DMD: variants seen among roughly 807,000 people sequenced by gnomAD.
DMD encodes mutant dystrophin.
Under a neutral mutation model 330.1 loss-of-function variants are expected in DMD, and 63 were observed. That is an observed-to-expected ratio of 0.19 (90% confidence interval 0.16 to 0.24). The LOEUF is 0.24. DMD is among the 10% of genes least tolerant of loss of function. The pLI, the probability that DMD is intolerant of heterozygous loss-of-function variation, is 1.00. For missense variants in DMD, 3,344 were observed against 2,684.1 expected, an observed-to-expected ratio of 1.25 and a Z score of -5.43; for synonymous variants, 1,223 against 959.8, an observed-to-expected ratio of 1.27 and a Z score of -5.07.
At chrX:31,575,969 T>C (rs1160116111) in intron 55 of DMD, among the ~76,000 whole-genome samples, 1 of 112,078 alleles carries the variant, frequency 8.9e-6, no homozygotes, top group East Asian at 2.8e-4. Context: ...TAGCCACTAG[T>C]TACAGAGAAA....
intron 62 of DMD, among the ~76,000 whole-genome samples, chrX:31,284,575 C>CTT (rs1233953741): frequency 1.1e-5 from 1 of 91,858 alleles, no homozygotes; most frequent in African/African-American, 4.3e-5. Flanking sequence ...TCTTCTTCTT[C>CTT]TTCTTCTTCT....
chrX:32,380,774 TAA>T, intron 33 of DMD, 94 bp from the exon 34 acceptor site: 1 of 677,412 alleles, frequency 1.5e-6, no homozygotes, highest in Non-Finnish European at 2.2e-6. Flanking sequence ...TTCTGTTATT[TAA>T]AATAACTATT....
At chrX:32,356,862 CTT>C (rs2097802982) in intron 37 of DMD, among the ~76,000 whole-genome samples, 1 of 111,489 alleles carries the variant, frequency 9.0e-6, no homozygotes, top group South Asian at 3.7e-4. Context: ...AAAAATATAA[CTT>C]GATGCATATT....
intron 2 of DMD, among the ~76,000 whole-genome samples, chrX:32,912,096 G>C (rs1174716461): frequency 1.8e-5 from 2 of 108,223 alleles, no homozygotes; most frequent in African/African-American, 6.7e-5. Flanking sequence ...AGAAGGAATG[G>C]GGAGGAGGAG....
At chrX:33,120,091 T>C (rs981866075) in intron 1 of DMD, among the ~76,000 whole-genome samples, 2 of 112,156 alleles carry the variant, frequency 1.8e-5, no homozygotes, top group Non-Finnish European at 3.8e-5. Flanking sequence ...CCTGTTTTGT[T>C]TAAGCATGTG....
At position 33,211,536 on chromosome X, in the gene DMD, A is replaced by G. The variant is rs2051917985; in HGVS notation, c.-224T>C. On this transcript the variant is annotated 5_prime_UTR_variant, in exon 1 of 79. Transcript: ENST00000357033. The stretch of plus-strand genomic sequence containing the variant: ...AGTGATCCCAACACTGAGTGAGTCA[A>G]CACAGTAACTGATGCCAGGATTCTG... 9.5e-7 allele frequency: 1 copy of G among 1,053,034 alleles called. No individual in the cohort carries two copies. The allele number at this position is 1,053,034 out of a possible 1,213,427, so 86.8% of individuals were successfully genotyped here. A position where few individuals can be genotyped will look rare whatever the true frequency, so the allele number is the denominator to read the frequency against.
intron 67 of DMD, among the ~76,000 whole-genome samples, chrX:31,201,529 G>C (rs1381386709): frequency 1.8e-5 from 2 of 112,538 alleles, no homozygotes; most frequent in African/African-American, 6.5e-5. Flanking sequence ...AACCAAACCA[G>C]AGACATGGGC....
chrX:33,081,188 C>A (rs972590250), intron 1 of DMD, among the ~76,000 whole-genome samples: 1 of 111,849 alleles, frequency 8.9e-6, no homozygotes, highest in Non-Finnish European at 1.9e-5. Flanking sequence ...TTAAGGGCAC[C>A]ATTTTATACT....
chrX:32,325,318 C>G (rs1259515301), intron 41 of DMD, among the ~76,000 whole-genome samples: 1 of 111,202 alleles, frequency 9.0e-6, no homozygotes, highest in Non-Finnish European at 1.9e-5. Flanking sequence ...TACTGCAATA[C>G]ATTTAAAATA....
chrX:32,673,317 C>A (rs2061749842), intron 9 of DMD, among the ~76,000 whole-genome samples: 1 of 111,040 alleles, frequency 9.0e-6, no homozygotes, highest in Non-Finnish European at 1.9e-5. Flanking sequence ...AAGTCATGTG[C>A]CTTACGAGTA....
rs181426116 is a variant in DMD at position 31,203,206 on chromosome X, C to T, written c.9807+755G>A. On this transcript the variant is annotated intron_variant, in intron 67 of 78. Transcript: ENST00000357033. ...CTGAGGTAGCAGAATCACTTGAACC[C>T]GGGAGGTGGAGGTTGCAGTGAGCAG... 6.6e-3 allele frequency among the ~76,000 whole-genome samples: 655 copies of T among 99,245 alleles called. 6 individuals carry two copies. The highest frequency in any genetic ancestry group is 0.023 in the African/African-American group (609 of 26,491). 86.2% of individuals were successfully genotyped at this position (99,245 alleles called of 115,157 possible). A position where few individuals can be genotyped will look rare whatever the true frequency, so the allele number is the denominator to read the frequency against.
chrX:33,206,179 T>C (rs2051561585), intron 1 of DMD, among the ~76,000 whole-genome samples: 1 of 112,299 alleles, frequency 8.9e-6, no homozygotes, highest in Non-Finnish European at 1.9e-5. Flanking sequence ...CAAATGGCAA[T>C]TAGACCTACA....
At position 32,500,039 on chromosome X, in the gene DMD, T is replaced by A. The variant is rs1397686667; in HGVS notation, c.2380+1716A>T. Reference sequence around the variant, plus strand: ...TGGCCCAAACTTGAGCCTAATGACGTATCAGTTCGACCATATCTTTACTGG... The same window carrying A: ...TGGCCCAAACTTGAGCCTAATGACGAATCAGTTCGACCATATCTTTACTGG... On this transcript the variant is annotated intron_variant, in intron 19 of 78. Coordinates refer to ENST00000357033, the MANE Select transcript of DMD (RefSeq NM_004006.3). 1.1e-4 allele frequency among the ~76,000 whole-genome samples: 12 copies of A among 110,832 alleles called. 1 individual carries two copies. In the Admixed American group the frequency reaches 1.2e-3, roughly 11 times the overall value.
intron 52 of DMD, among the ~76,000 whole-genome samples, chrX:31,726,100 G>A (rs17283266): frequency 8.9e-6 from 1 of 111,906 alleles, no homozygotes; most frequent in Non-Finnish European, 1.9e-5. Flanking sequence ...ATATTAGAAA[G>A]AGGGAGAATT....
intron 59 of DMD, among the ~76,000 whole-genome samples, chrX:31,467,762 C>G (rs1007031104): frequency 9.0e-6 from 1 of 111,552 alleles, no homozygotes; most frequent in Non-Finnish European, 1.9e-5. Flanking sequence ...CTTTGTACCT[C>G]TGGTAGAATT....
chrX:31,425,193 G>C (rs1036375127), intron 60 of DMD, among the ~76,000 whole-genome samples: 1 of 111,975 alleles, frequency 8.9e-6, no homozygotes, highest in African/African-American at 3.2e-5. Flanking sequence ...GGGACAGCTT[G>C]CAATTCCATA....
At chrX:32,956,797 C>G (rs1045846299) in intron 2 of DMD, among the ~76,000 whole-genome samples, 30 of 111,230 alleles carry the variant, frequency 2.7e-4, no homozygotes, top group Non-Finnish European at 4.1e-4. Context: ...CATGGGAACA[C>G]AGCATTCCTT....
intron 53 of DMD, among the ~76,000 whole-genome samples, chrX:31,676,302 A>G (rs1166165467): frequency 8.9e-6 from 1 of 112,452 alleles, no homozygotes; most frequent in Non-Finnish European, 1.9e-5. Context: ...AAGCCAGCTA[A>G]TATCACTTAG....
chrX:31,861,675 TACAC>T (rs1307324671), intron 48 of DMD, among the ~76,000 whole-genome samples: 1 of 91,411 alleles, frequency 1.1e-5, no homozygotes, highest in African/African-American at 4.0e-5. Context: ...TGTATATATA[TACAC>T]ACACACACAC....
Sources: allele counts gnomAD v4.1 joint callset (sites outside exome capture counted in the v4.1 genomes callset), GRCh38; gene constraint gnomAD v4.1.1; transcripts MANE v1.5; gene names NCBI Gene and HGNC (gene_info 2026-07-23, HGNC 2026-07-21).